Variants in PTPN21 observed in about 807,000 individuals in gnomAD.
PTPN21 encodes the protein protein tyrosine phosphatase non-receptor type 21.
In PTPN21, 77 loss-of-function variants were observed where a neutral mutation model predicts 131.8. The observed-to-expected ratio is 0.58, with a 90% CI of 0.49 to 0.71. The LOEUF (loss-of-function observed/expected upper bound fraction) is 0.71, where lower values mean the gene tolerates loss of function less well. Ranked by LOEUF, PTPN21 falls within the 30% of genes least tolerant of loss-of-function variation. PTPN21 has a pLI of 0.00. For missense variants in PTPN21, 1,552 were observed against 1,527.1 expected, an observed-to-expected ratio of 1.02 and a Z score of -0.27; for synonymous variants, 715 against 621.3, an observed-to-expected ratio of 1.15 and a Z score of -2.24.
intron 12 of PTPN21, among the ~76,000 whole-genome samples, chr14:88,484,024 C>G (rs2077693242): frequency 6.6e-6 from 1 of 150,392 alleles, no homozygotes; most frequent in African/African-American, 2.5e-5. Flanking sequence ...CTTGTCTTAT[C>G]TTAAACTATT....
intron 13 of PTPN21, among the ~76,000 whole-genome samples, chr14:88,474,131 C>CCAAAAAAAAAAAAAA (rs1555382614): frequency 8.6e-5 from 4 of 46,678 alleles, no homozygotes; most frequent in Admixed American, 2.6e-4. Flanking sequence ...AGCTGAAGTC[C>CCAAAAAAAAAAAAAA]AAAAAAAAAA....
Position 88,473,731 on chromosome 14 carries a change from G to T in PTPN21, c.2583C>A (p.Ser861=), listed in dbSNP as rs1595342336. ...PLKLAALNGL[S]LSRVPLPDEG... Reference sequence around the variant, plus strand: ...CATCAGGCAGAGGCACTCGAGATAGGGAGAGTCCATTTAGGGCAGCCAGTT... The same window carrying T: ...CATCAGGCAGAGGCACTCGAGATAGTGAGAGTCCATTTAGGGCAGCCAGTT... Residue 861 remains serine (S), a synonymous_variant, in exon 14 of 19, where the codon TCC becomes TCA. Coordinates refer to ENST00000556564, the MANE Select transcript of PTPN21 (RefSeq NM_007039.4). The T allele has an allele frequency of 6.2e-7, 1 of 1,611,324 alleles. No individual in the cohort carries two copies. Among genetic ancestry groups the T allele is most frequent in the East Asian group, 2.2e-5 (1 of 44,810 alleles).
At chr14:88,473,618 C>G in intron 14 of PTPN21, 47 bp downstream of exon 14, 1 of 1,576,762 alleles carries the variant, frequency 6.3e-7, no homozygotes, top group South Asian at 1.2e-5. Context: ...GTAGTATTTA[C>G]CGGTTGTTCC....
chr14:88,469,983 T>C lies in PTPN21; in HGVS notation c.2939A>G (p.Asp980Gly). The C allele has an allele frequency of 1.2e-6, 2 of 1,613,876 alleles. No individual in the cohort carries two copies. Among genetic ancestry groups the C allele is most frequent in the Non-Finnish European group, 1.7e-6 (2 of 1,179,794 alleles). Reference protein sequence around the residue: ...TQGPLQNTCQDFWQMVWEQGI... With the variant: ...TQGPLQNTCQGFWQMVWEQGI... ...CTGTTCCCATACCATCTGCCAAAAA[T>C]CTTGACAGGTATTCTGTAATGGTCC... Residue 980 changes from aspartate (D) to glycine (G), a missense_variant, in exon 16 of 19, where the codon GAT (aspartate) becomes GGT (glycine). Asp to Gly is a moderately conservative substitution (Grantham distance 94, BLOSUM62 -1). Transcript: ENST00000556564. This position sits in a 1 kb window ranked among gnomAD's most constrained non-coding sequence, Gnocchi z 4.3.
At chr14:88,519,576 AC>A in intron 2 of PTPN21, among the ~76,000 whole-genome samples, 1 of 152,304 alleles carries the variant, frequency 6.6e-6, no homozygotes, top group South Asian at 2.1e-4. Context: ...AAAAAATAAA[AC>A]TTTAATTTGC....
In PTPN21 at chr14:88,508,032, G is replaced by A; in HGVS notation, c.351-12C>T. 3 of 1,457,810 alleles carry A rather than the reference G, an allele frequency of 2.1e-6. No individual in the cohort carries two copies. Among genetic ancestry groups the A allele is most frequent in the Non-Finnish European group, 1.9e-6 (2 of 1,048,724 alleles). 90.3% of individuals were successfully genotyped at this position (1,457,810 alleles called of 1,614,324 possible). A position where few individuals can be genotyped will look rare whatever the true frequency, so the allele number is the denominator to read the frequency against. On this transcript the variant is annotated splice_polypyrimidine_tract_variant and intron_variant, in intron 3 of 18. Coordinates refer to ENST00000556564, the MANE Select transcript of PTPN21 (RefSeq NM_007039.4). ...GATAATACTGATACCTATAAAAAAT[G>A]TCAGTTGTATAAGGTCAATGTCAAT... is the stretch of plus-strand genomic sequence containing the variant.
At chr14:88,481,490 C>T (rs1344103672) in intron 12 of PTPN21, among the ~76,000 whole-genome samples, 7 of 152,072 alleles carry the variant, frequency 4.6e-5, no homozygotes, top group Non-Finnish European at 7.4e-5. Flanking sequence ...TGCTTCTGCA[C>T]CCCACAAACC....
At position 88,479,889 on chromosome 14, in the gene PTPN21, C is replaced by T; in HGVS notation, c.1542G>A (p.Leu514=). ...SPAAAHCPFS[L]SYSFHSPSPY... ...GAGACGGGCTGTGGAAGCTGTAGCT[C>T]AGGCTGAACGGGCAGTGTGCGGCCG... Residue 514 remains leucine, a synonymous_variant, in exon 13 of 19, where the codon CTG becomes CTA. Coordinates refer to ENST00000556564, the MANE Select transcript of PTPN21 (RefSeq NM_007039.4). 6.9e-6 allele frequency: 11 copies of T among 1,590,266 alleles called. No individual in the cohort carries two copies. Among genetic ancestry groups the T allele is most frequent in the Non-Finnish European group, 7.7e-6 (9 of 1,172,420 alleles).
chr14:88,543,290 G>A (rs1331677325), intron 2 of PTPN21, among the ~76,000 whole-genome samples: 1 of 152,142 alleles, frequency 6.6e-6, no homozygotes, highest in African/African-American at 2.4e-5. Context: ...TCAAAGTCCA[G>A]TGAGGAAGCT....
At position 88,500,970 on chromosome 14, in the gene PTPN21, G is replaced by A. The variant is rs566660749; in HGVS notation, c.676-99C>T. The A allele has an allele frequency of 7.5e-5, 63 of 836,858 alleles. No homozygotes were observed. The East Asian group carries it at 1.3e-3, about 18-fold the overall frequency. The allele number at this position is 836,858 out of a possible 1,614,324, so 51.8% of individuals were successfully genotyped here. ...TGGTTTCCCAGATGTAGAAAGTTCC[G>A]AAGACCTACAGAGTAACTATTCAGG... On this transcript the variant is annotated intron_variant, in intron 7 of 18. Coordinates refer to ENST00000556564, the MANE Select transcript of PTPN21 (RefSeq NM_007039.4).
intron 2 of PTPN21, among the ~76,000 whole-genome samples, chr14:88,522,105 T>C (rs1025518703): frequency 6.6e-6 from 1 of 152,124 alleles, no homozygotes; most frequent in African/African-American, 2.4e-5. Flanking sequence ...GCGAGAACTT[T>C]ATCTAAAGGT....
chr14:88,547,563 G>A (rs969677785), intron 2 of PTPN21: 19 of 420,502 alleles, frequency 4.5e-5, no homozygotes, highest in Middle Eastern at 7.2e-4. Flanking sequence ...TAAGGCAAAA[G>A]GATCACTTGA....
intron 13 of PTPN21, among the ~76,000 whole-genome samples, chr14:88,477,326 G>C (rs1436290812): frequency 6.6e-6 from 1 of 151,686 alleles, no homozygotes; most frequent in Non-Finnish European, 1.5e-5. Context: ...CCAGCACTTT[G>C]GGAGGCTGAG....
chr14:88,545,861 G>A (rs2078769693), intron 2 of PTPN21, among the ~76,000 whole-genome samples: 1 of 152,012 alleles, frequency 6.6e-6, no homozygotes, highest in Admixed American at 6.6e-5. Context: ...TTGGGAGGCT[G>A]AGACAGAAGA....
rs371417947 is a variant in PTPN21 at position 88,501,974 on chromosome 14, C to CA, written c.588-607dup. ...CATGCCAGTCTGGGCAACAAAAAAA[C>CA]AAAAAAAAACAAAAATAAAAACAAC... On this transcript the variant is annotated intron_variant, in intron 6 of 18. Transcript: ENST00000556564. 6.2e-3 allele frequency among the ~76,000 whole-genome samples: 922 copies of CA among 148,010 alleles called. 5 individuals are homozygous for CA. Among genetic ancestry groups the CA allele is most frequent in the Middle Eastern group, 0.011 (3 of 284 alleles).
intron 8 of PTPN21, among the ~76,000 whole-genome samples, chr14:88,498,461 T>C (rs947675009): frequency 1.3e-5 from 2 of 152,176 alleles, no homozygotes; most frequent in African/African-American, 2.4e-5. Context: ...TGATGGAAGA[T>C]CCCTCTCTTA....
intron 2 of PTPN21, among the ~76,000 whole-genome samples, chr14:88,526,320 C>T (rs959478399): frequency 3.3e-5 from 5 of 151,986 alleles, no homozygotes; most frequent in African/African-American, 9.7e-5. Flanking sequence ...GAGGCTGAGG[C>T]AGGCAGATCA....
intron 2 of PTPN21, among the ~76,000 whole-genome samples, chr14:88,526,978 C>T (rs776710114): frequency 5.3e-5 from 8 of 152,072 alleles, no homozygotes; most frequent in Non-Finnish European, 1.2e-4. Flanking sequence ...CTGCAAATGC[C>T]ATTATTTCAT....
chr14:88,482,228 G>C (rs1482540092), intron 12 of PTPN21, among the ~76,000 whole-genome samples: 2 of 152,220 alleles, frequency 1.3e-5, no homozygotes, highest in African/African-American at 4.8e-5. Flanking sequence ...GGGGTGGCTA[G>C]AGTGTCAGAT....
Sources: gnomAD v4.1 joint callset for allele counts (sites outside exome capture counted in the v4.1 genomes callset) on GRCh38, gnomAD v4.1.1 for gene constraint, Gnocchi (gnomAD v3.1) non-coding constraint, MANE v1.5 for transcripts, NCBI Gene and HGNC (gene_info 2026-07-23, HGNC 2026-07-21) for gene names.